The following FSTL4 variants were observed in gnomAD, a reference collection of about 807,000 sequenced individuals.
FSTL4 encodes follistatin-related protein 4.
In FSTL4, 28 loss-of-function variants were observed where a neutral mutation model predicts 78.2. That is an observed-to-expected ratio of 0.36 (90% CI 0.27 to 0.49). FSTL4 has a LOEUF of 0.49. Among genes scored for constraint, FSTL4 ranks in the 20% least tolerant of loss-of-function variants. The probability of loss-of-function intolerance (pLI) is 0.98; values close to 1 mark genes in which losing one functional copy is unlikely to be tolerated. For synonymous variants in FSTL4, 422 were observed against 440.5 expected (o/e 0.96, Z 0.53); for missense variants, 922 against 1,084.9 (o/e 0.85, Z 2.11).
the FSTL4 span, among the ~76,000 whole-genome samples, chr5:133,814,438 C>A: frequency 6.6e-6 from 1 of 152,222 alleles, no homozygotes; most frequent in African/African-American, 2.4e-5. Context: ...ACACCAGTGC[C>A]CCTGACACAT....
At chr5:133,748,209 A>G in the FSTL4 span, among the ~76,000 whole-genome samples, 9 of 151,088 alleles carry the variant, frequency 6.0e-5, no homozygotes, top group East Asian at 3.9e-4. Context: ...AGAAGAAGAA[A>G]AAAAAAAAGC....
intron 6 of FSTL4, among the ~76,000 whole-genome samples, chr5:133,280,177 C>T (rs961202812): frequency 2.0e-5 from 3 of 152,194 alleles, no homozygotes; most frequent in African/African-American, 7.2e-5. Context: ...ACTCAGGGAG[C>T]AAATCAACCT....
the FSTL4 span, among the ~76,000 whole-genome samples, chr5:133,638,818 CT>C: frequency 3.2e-4 from 49 of 151,750 alleles, 1 homozygote; most frequent in South Asian, 9.0e-3. Context: ...TTGTAAATTA[CT>C]TTTTTTTCAC....
chr5:133,639,298 G>A, the FSTL4 span, among the ~76,000 whole-genome samples: 311 of 152,212 alleles, frequency 2.0e-3, no homozygotes, highest in African/African-American at 7.3e-3. Flanking sequence ...TCATTACTAC[G>A]TCCTCAATAC....
chr5:133,456,557 T>G (rs1241763286), intron 3 of FSTL4, among the ~76,000 whole-genome samples: 1 of 152,232 alleles, frequency 6.6e-6, no homozygotes, highest in African/African-American at 2.4e-5. Context: ...AGGCTTTCCC[T>G]GCTGAGGCCA....
chr5:133,403,424 C>T (rs562156767), intron 3 of FSTL4, among the ~76,000 whole-genome samples: 13 of 152,310 alleles, frequency 8.5e-5, no homozygotes, highest in African/African-American at 2.6e-4. Flanking sequence ...CCTCCTACCC[C>T]AAAGTGCCTG....
chr5:133,789,116 A>T, the FSTL4 span, among the ~76,000 whole-genome samples: 1 of 152,306 alleles, frequency 6.6e-6, no homozygotes, highest in East Asian at 1.9e-4. Context: ...GGCTTGGGAT[A>T]TACAGGTAGG....
the FSTL4 span, among the ~76,000 whole-genome samples, chr5:133,719,439 G>A: frequency 6.6e-6 from 1 of 152,216 alleles, no homozygotes; most frequent in East Asian, 1.9e-4. Context: ...GGAGGCCAAG[G>A]CAGGTGGATC....
the FSTL4 span, among the ~76,000 whole-genome samples, chr5:133,688,684 G>T: frequency 6.6e-5 from 10 of 152,304 alleles, no homozygotes; most frequent in African/African-American, 1.9e-4. Flanking sequence ...AATAGGTCTC[G>T]CTCAGGACTC....
the FSTL4 span, among the ~76,000 whole-genome samples, chr5:133,763,590 G>A: frequency 1.3e-5 from 2 of 152,158 alleles, no homozygotes; most frequent in East Asian, 3.9e-4. Flanking sequence ...CCATAGCCCA[G>A]ACAGCAGGAT....
chr5:133,301,917 G>T (rs1453762329), intron 6 of FSTL4, among the ~76,000 whole-genome samples: 2 of 152,048 alleles, frequency 1.3e-5, no homozygotes, highest in African/African-American at 4.8e-5. Flanking sequence ...TCGTGTTGGC[G>T]ACCAAACTGC....
At chr5:133,591,182 G>C (rs1473632144) in intron 2 of FSTL4, among the ~76,000 whole-genome samples, 1 of 152,146 alleles carries the variant, frequency 6.6e-6, no homozygotes, top group Non-Finnish European at 1.5e-5. Context: ...TGTCTGCAGG[G>C]ACATCCTAGG....
intron 3 of FSTL4, among the ~76,000 whole-genome samples, chr5:133,443,545 C>G (rs903766206): frequency 6.6e-6 from 1 of 152,230 alleles, no homozygotes; most frequent in African/African-American, 2.4e-5. Flanking sequence ...CCTAACGTGG[C>G]TGCTTTTTAG....
the FSTL4 span, among the ~76,000 whole-genome samples, chr5:133,705,815 T>C: frequency 6.6e-6 from 1 of 151,852 alleles, no homozygotes; most frequent in South Asian, 2.1e-4. Flanking sequence ...ATCAAGTTGC[T>C]TCTTTTCCAG....
At chr5:133,289,240 A>G (rs2126866890) in intron 6 of FSTL4, among the ~76,000 whole-genome samples, 1 of 152,288 alleles carries the variant, frequency 6.6e-6, no homozygotes, top group South Asian at 2.1e-4. Context: ...CAGGTACTTA[A>G]TACTGAAGGA....
chr5:133,386,813 C>T (rs556814501), intron 4 of FSTL4, among the ~76,000 whole-genome samples: 6 of 152,232 alleles, frequency 3.9e-5, no homozygotes, highest in East Asian at 3.9e-4. Flanking sequence ...CTGTGTTTCA[C>T]GTGGCATTGG....
upstream of FSTL4, among the ~76,000 whole-genome samples, chr5:133,614,217 C>T (rs934664013): frequency 6.6e-6 from 1 of 152,140 alleles, no homozygotes; most frequent in Admixed American, 6.5e-5. Context: ...AACCTAGTGG[C>T]CTTATTACAT....
At chr5:133,486,381 G>T (rs1334040149) in intron 3 of FSTL4, among the ~76,000 whole-genome samples, 1 of 149,994 alleles carries the variant, frequency 6.7e-6, no homozygotes, top group Non-Finnish European at 1.5e-5. Context: ...CAGGTTGGGG[G>T]AGAGGAAGAA....
the FSTL4 span, among the ~76,000 whole-genome samples, chr5:133,722,992 T>G: frequency 6.6e-6 from 1 of 152,162 alleles, no homozygotes; most frequent in Non-Finnish European, 1.5e-5. Context: ...TCCCCACGGT[T>G]AGGAGTCATA....
Sources: gnomAD v4.1 joint callset for allele counts (sites outside exome capture counted in the v4.1 genomes callset) on GRCh38, gnomAD v4.1.1 for gene constraint, MANE v1.5 for transcripts, NCBI Gene and HGNC (gene_info 2026-07-23, HGNC 2026-07-21) for gene names.